Variants in EIF3I observed in about 807,000 individuals in gnomAD.
EIF3I encodes the protein TGF-beta receptor-interacting protein 1.
In EIF3I, 20 loss-of-function variants were observed where a neutral mutation model predicts 43.3. That is an observed-to-expected ratio of 0.46 (90% confidence interval 0.32 to 0.67). The LOEUF (loss-of-function observed/expected upper bound fraction) is 0.67, where lower values mean the gene tolerates loss of function less well. Ranked by LOEUF, EIF3I falls within the 30% of genes least tolerant of loss-of-function variation. The pLI is 0.03. For synonymous variants in EIF3I, 167 were observed against 151.7 expected (o/e 1.10, Z -0.74); for missense variants, 279 against 421.4 (o/e 0.66, Z 2.96).
At chr1:32,233,376 G>A (rs1056863647), downstream of EIF3I, among the ~76,000 whole-genome samples, 2 of 152,060 alleles carry the variant, frequency 1.3e-5, no homozygotes, top group African/African-American at 2.4e-5. Flanking sequence ...GGGTGGTCTC[G>A]ATCTCCTGAC....
At chr1:32,232,951 C>A (rs1342356184), downstream of EIF3I, among the ~76,000 whole-genome samples, 1 of 152,186 alleles carries the variant, frequency 6.6e-6, no homozygotes, top group Admixed American at 6.6e-5. Context: ...GCATATGCAA[C>A]AAGCCAACCA....
At chr1:32,227,235 C>T (rs1169365933) in intron 6 of EIF3I, among the ~76,000 whole-genome samples, 1 of 144,020 alleles carries the variant, frequency 6.9e-6, no homozygotes, top group Non-Finnish European at 1.5e-5. Flanking sequence ...TATGATTGCA[C>T]CACTGCACTC....
exon 3 of EIF3I, chr1:32,224,080 A>G: frequency 1.2e-6 from 2 of 1,614,194 alleles, no homozygotes; most frequent in East Asian, 2.2e-5. Flanking sequence ...CTGGGCACCT[A>G]CATGGGCCAT....
At chr1:32,235,497 G>GAT (rs1289711730), downstream of EIF3I, among the ~76,000 whole-genome samples, 3 of 152,074 alleles carry the variant, frequency 2.0e-5, no homozygotes, top group Admixed American at 2.0e-4. Context: ...CACCCAGCTA[G>GAT]TTTTTGCATT....
intron 9 of EIF3I, 104 bp downstream of exon 9, chr1:32,229,312 G>A: frequency 2.4e-6 from 3 of 1,233,312 alleles, no homozygotes; most frequent in Non-Finnish European, 3.4e-6. Context: ...CTAGGCTGGA[G>A]CGCAGTGGCG....
chr1:32,229,300 G>A (rs1354132878), intron 9 of EIF3I, 92 bp downstream of exon 9: 17 of 1,367,216 alleles, frequency 1.2e-5, no homozygotes, highest in East Asian at 2.3e-5. Flanking sequence ...TCGCTCTGTC[G>A]CCTAGGCTGG....
Position 32,224,486 on chromosome 1 carries a change from T to C in EIF3I, c.250+11T>C, listed in dbSNP as rs1224834343. 1.2e-6 allele frequency: 2 copies of C among 1,611,130 alleles called. No homozygotes were observed. Among genetic ancestry groups the C allele is most frequent in the Admixed American group, 3.3e-5 (2 of 59,974 alleles). ...GGGACTGTGAAACAGGTAAGCTGGG[T>C]TCATTCACCTTTTTAGCAAATATTG... On this transcript the variant is annotated intron_variant, in intron 4 of 11. Transcript: ENST00000676679.
chr1:32,227,275 TAAAA>T (rs1005926284), intron 6 of EIF3I, among the ~76,000 whole-genome samples: 12 of 55,396 alleles, frequency 2.2e-4, no homozygotes, highest in African/African-American at 3.7e-4. Context: ...ACCCTGTCTC[TAAAA>T]AAAAAAAAAA....
chr1:32,223,047 C>T (rs1639056318), intron 2 of EIF3I, among the ~76,000 whole-genome samples: 1 of 152,132 alleles, frequency 6.6e-6, no homozygotes, highest in African/African-American at 2.4e-5. Context: ...CACTGCACTC[C>T]AAGAAAAGCA....
downstream of EIF3I, chr1:32,231,396 CAGG>C: frequency 2.1e-6 from 1 of 483,856 alleles, no homozygotes; most frequent in Non-Finnish European, 3.8e-6. Context: ...GAGGCTGAGG[CAGG>C]AGAATCACTT....
intron 4 of EIF3I, among the ~76,000 whole-genome samples, 175 bp from the exon 5 acceptor site, chr1:32,225,996 C>T (rs867174931): frequency 4.6e-5 from 7 of 151,654 alleles, no homozygotes; most frequent in African/African-American, 1.7e-4. Context: ...GCACTCCAGC[C>T]TGGGCAACAG....
chr1:32,222,531 C>T lies in EIF3I; in HGVS notation c.4-7C>T. 1.9e-6 allele frequency: 3 copies of T among 1,614,126 alleles called. No individual in the cohort carries two copies. In the South Asian group the frequency reaches 3.3e-5, roughly 18 times the overall value. ...CGAGCACTGACGTTACTGTCTTGTC[C>T]CCACAGAAGCCGATCCTACTGCAGG... is the stretch of plus-strand genomic sequence containing the variant. On this transcript the variant is annotated splice_region_variant and splice_polypyrimidine_tract_variant and intron_variant, in intron 1 of 11. Coordinates refer to ENST00000676679, the Ensembl canonical transcript of EIF3I.
intron 9 of EIF3I, among the ~76,000 whole-genome samples, chr1:32,229,605 CAAT>C (rs1258201878): frequency 7.5e-6 from 1 of 134,024 alleles, no homozygotes; most frequent in Non-Finnish European, 1.5e-5. Flanking sequence ...GGCTGGAGTG[CAAT>C]GGCGCGATCT....
downstream of EIF3I, chr1:32,231,511 G>A: frequency 4.1e-6 from 1 of 243,916 alleles, no homozygotes; most frequent in South Asian, 5.3e-5. Flanking sequence ...AAAGAAGAAG[G>A]TGGATCTCCA....
At chr1:32,227,305 T>TA (rs1490405131) in intron 6 of EIF3I, among the ~76,000 whole-genome samples, 1 of 133,188 alleles carries the variant, frequency 7.5e-6, no homozygotes, top group Non-Finnish European at 1.6e-5. Flanking sequence ...AAAAAGTTAA[T>TA]AAAAAATTTT....
At chr1:32,229,345 C>T in intron 9 of EIF3I, 137 bp downstream of exon 9, 1 of 862,524 alleles carries the variant, frequency 1.2e-6, no homozygotes, top group Non-Finnish European at 1.7e-6. Context: ...ACTGCAAGCT[C>T]TGCCTCCCGG....
intron 2 of EIF3I, among the ~76,000 whole-genome samples, chr1:32,223,084 G>A (rs575519447): frequency 4.6e-5 from 7 of 152,346 alleles, no homozygotes; most frequent in Non-Finnish European, 8.8e-5. Flanking sequence ...AGGGGATAAA[G>A]ATGAGGGTCA....
intron 4 of EIF3I, 162 bp from the exon 5 acceptor site, chr1:32,226,009 T>C (rs1639140453): frequency 2.1e-6 from 2 of 930,990 alleles, no homozygotes; most frequent in East Asian, 2.9e-5. Context: ...GGCAACAGAG[T>C]GAAACTGTCT....
chr1:32,228,408 G>C (rs1639182976), intron 6 of EIF3I, 91 bp from the exon 7 acceptor site: 3 of 1,037,236 alleles, frequency 2.9e-6, no homozygotes, highest in Non-Finnish European at 4.5e-6. Context: ...AGTCCATGCT[G>C]TCTCAGCTTT....
Sources: allele counts gnomAD v4.1 joint callset (sites outside exome capture counted in the v4.1 genomes callset), GRCh38; gene constraint gnomAD v4.1.1; transcripts MANE v1.5; gene names NCBI Gene and HGNC (gene_info 2026-07-23, HGNC 2026-07-21).